ALAD: variants seen among roughly 807,000 people sequenced by gnomAD.
The protein encoded by ALAD is aminolevulinate dehydratase, also known as delta-aminolevulinic acid dehydratase.
In ALAD, 20 loss-of-function variants were observed where a neutral mutation model predicts 44.4. The observed-to-expected ratio is 0.45, with a 90% CI of 0.32 to 0.65. ALAD has a LOEUF of 0.65. Ranked by LOEUF, ALAD falls within the 30% of genes least tolerant of loss-of-function variation. ALAD has a pLI of 0.05. For synonymous variants in ALAD, 156 were observed against 167.9 expected, an observed-to-expected ratio of 0.93 and a Z score of 0.55; for missense variants, 323 against 445.7, an observed-to-expected ratio of 0.72 and a Z score of 2.48.
At chr9:113,393,150 A>G (rs8177795) in intron 2 of ALAD, 199 of 435,036 alleles carry the variant, frequency 4.6e-4, no homozygotes, top group African/African-American at 3.8e-3. Flanking sequence ...GGTACATAGC[A>G]CTTTACAATG....
In ALAD at chr9:113,393,581, G is replaced by A. The variant is rs373584104; in HGVS notation, c.-22C>T. 1.9e-6 allele frequency: 3 copies of A among 1,603,428 alleles called. No individual in the cohort carries two copies. The highest frequency in any genetic ancestry group is 2.2e-5 in the East Asian group (1 of 44,848). ...GCATGGCGTGGGCCAGTGGGCACAGGGGCATCAGTTGGTTGGAACCGAGGG... is the reference window on the plus strand; with the variant it reads ...GCATGGCGTGGGCCAGTGGGCACAGAGGCATCAGTTGGTTGGAACCGAGGG... On this transcript the variant is annotated 5_prime_UTR_variant, in exon 2 of 12. Coordinates refer to ENST00000409155, the MANE Select transcript of ALAD (RefSeq NM_000031.6).
chr9:113,389,341 G>A, intron 10 of ALAD, 97 bp downstream of exon 10: 1 of 1,476,790 alleles, frequency 6.8e-7, no homozygotes, highest in East Asian at 2.3e-5. Context: ...GAGGATGCAT[G>A]CTTAAGGGCA....
intron 1 of ALAD, among the ~76,000 whole-genome samples, chr9:113,398,345 T>C (rs1336866784): frequency 1.3e-5 from 2 of 152,208 alleles, no homozygotes; most frequent in African/African-American, 4.8e-5. Context: ...TCTGACTCAC[T>C]TCCCACAAAC....
At position 113,387,215 on chromosome 9, in the gene ALAD, ACTC is replaced by A. The variant is rs1827419734; in HGVS notation, c.*1082_*1084del. ...GAAGGAGCCCCAGGGCCTTTGCACA[ACTC>A]CTCCCTCTCCCTGGAATGCTCTTCC... On this transcript the variant is annotated 3_prime_UTR_variant, in exon 12 of 12. Coordinates refer to ENST00000409155, the MANE Select transcript of ALAD (RefSeq NM_000031.6). 6.6e-6 allele frequency: 1 copy of A among 151,320 alleles called. No individual in the cohort carries two copies. Among genetic ancestry groups the A allele is most frequent in the Non-Finnish European group, 1.5e-5 (1 of 67,902 alleles). 9.4% of individuals were successfully genotyped at this position (151,320 alleles called of 1,614,324 possible). A position where few individuals can be genotyped will look rare whatever the true frequency, so the allele number is the denominator to read the frequency against.
chr9:113,391,113 C>T (rs1203618872), intron 4 of ALAD, among the ~76,000 whole-genome samples, 180 bp from the exon 5 acceptor site: 1 of 152,218 alleles, frequency 6.6e-6, no homozygotes, highest in African/African-American at 2.4e-5. Context: ...AGACCACGTC[C>T]ATTCACCTGT....
chr9:113,392,702 A>G (rs766954037), intron 2 of ALAD: 2 of 162,416 alleles, frequency 1.2e-5, no homozygotes, highest in African/African-American at 2.4e-5. Flanking sequence ...TCTTCATACA[A>G]ATGCTCTCAG....
At position 113,389,663 on chromosome 9, in the gene ALAD, G is replaced by T; in HGVS notation, c.650C>A (p.Ala217Asp). ...PFRDAAKSSP[A>D]FGDRRCYQLP... ...CTGGTAGCAGCGGCGGTCCCCAAAA[G>T]CTGGGCTTGACTTAGCTGCATCCCT... is the stretch of plus-strand genomic sequence containing the variant. The change falls in exon 9 of 12, where the codon GCT becomes GAT. Residue 217 changes from alanine (A) to aspartate (D), a missense_variant. Physicochemically the swap from Ala to Asp is moderately radical, Grantham distance 126. Coordinates refer to ENST00000409155, the MANE Select transcript of ALAD (RefSeq NM_000031.6). 1.2e-6 allele frequency: 2 copies of T among 1,614,174 alleles called. No homozygotes were observed. Among genetic ancestry groups the T allele is most frequent in the Non-Finnish European group, 1.7e-6 (2 of 1,180,042 alleles).
At position 113,387,992 on chromosome 9, in the gene ALAD, C is replaced by T. The variant is rs1354194138; in HGVS notation, c.*308G>A. The T allele has an allele frequency of 7.0e-6, 3 of 429,790 alleles. No individual in the cohort carries two copies. Among genetic ancestry groups the T allele is most frequent in the South Asian group, 4.2e-5 (2 of 47,924 alleles). The allele number at this position is 429,790 out of a possible 1,614,324, so 26.6% of individuals were successfully genotyped here. On this transcript the variant is annotated 3_prime_UTR_variant, in exon 12 of 12. Coordinates refer to ENST00000409155, the MANE Select transcript of ALAD (RefSeq NM_000031.6). ...TCCCAGCCAGGCCCCAAAGGCTGTG[C>T]CCCCGACTCCAGGTTGCTTTCAAGC...
intron 11 of ALAD, 62 bp downstream of exon 11, chr9:113,388,915 T>G (rs1827482518): frequency 6.2e-7 from 1 of 1,612,872 alleles, no homozygotes; most frequent in African/African-American, 1.3e-5. Context: ...TTCCCCAATC[T>G]AGGCAGAGTG....
At chr9:113,391,131 G>A (rs1261714424) in intron 4 of ALAD, among the ~76,000 whole-genome samples, 198 bp from the exon 5 acceptor site, 2 of 152,200 alleles carry the variant, frequency 1.3e-5, no homozygotes, top group Non-Finnish European at 2.9e-5. Flanking sequence ...TGTGGCCCCA[G>A]GGCCAGCACA....
rs1173631574 is a variant in ALAD, at chr9:113,386,689, T to G, written c.*1611A>C. 1 of 152,248 alleles carries G rather than the reference T, an allele frequency of 6.6e-6. No homozygotes were observed. Among genetic ancestry groups the G allele is most frequent in the East Asian group, 1.9e-4 (1 of 5,202 alleles). 9.4% of individuals were successfully genotyped at this position (152,248 alleles called of 1,614,324 possible). Reference sequence around the variant, plus strand: ...GACTACATGGGTTCAAATCCCAGCTTGGCTGTTTTCTGTGCAGTTCTAATC... The same window carrying G: ...GACTACATGGGTTCAAATCCCAGCTGGGCTGTTTTCTGTGCAGTTCTAATC... On this transcript the variant is annotated 3_prime_UTR_variant, in exon 12 of 12. Coordinates refer to ENST00000409155, the MANE Select transcript of ALAD (RefSeq NM_000031.6).
chr9:113,390,710 C>T (rs1805312), intron 5 of ALAD, 34 bp from the exon 6 acceptor site: 1 of 1,607,312 alleles, frequency 6.2e-7, no homozygotes, highest in South Asian at 1.1e-5. Context: ...TGGGGAGCAC[C>T]TTGGGCCCTG....
At chr9:113,389,849 T>G (rs1588082790) in intron 7 of ALAD, 21 bp from the exon 8 acceptor site, 1 of 1,613,990 alleles carries the variant, frequency 6.2e-7, no homozygotes, top group Non-Finnish European at 8.5e-7. Flanking sequence ...ACAATGGAGG[T>G]CTTGGCTTAT....
In ALAD at chr9:113,387,282, G is replaced by A. The variant is rs1263655127; in HGVS notation, c.*1018C>T. ...CTTGATGGCTCACCCTTCAGGTCTA[G>A]GCTCAAATGTCAGTCCTTCAGGGAA... On this transcript the variant is annotated 3_prime_UTR_variant, in exon 12 of 12. Transcript: ENST00000409155. 2.0e-5 allele frequency: 3 copies of A among 152,230 alleles called. No individual in the cohort carries two copies. The highest frequency in any genetic ancestry group is 2.0e-4 in the Admixed American group (3 of 15,272). The allele number at this position is 152,230 out of a possible 1,614,324, so 9.4% of individuals were successfully genotyped here. A position where few individuals can be genotyped will look rare whatever the true frequency, so the allele number is the denominator to read the frequency against.
intron 2 of ALAD, 58 bp downstream of exon 2, chr9:113,393,389 T>TA: frequency 1.1e-5 from 14 of 1,271,420 alleles, no homozygotes; most frequent in Admixed American, 1.8e-5. Flanking sequence ...CAACACTCCC[T>TA]CCCCAACCCC....
At chr9:113,391,839 C>A (rs2118993111) in intron 3 of ALAD, among the ~76,000 whole-genome samples, 1 of 152,336 alleles carries the variant, frequency 6.6e-6, no homozygotes, top group Admixed American at 6.5e-5. Flanking sequence ...CTGTGGAAGG[C>A]TCCTTCGAGG....
At chr9:113,394,405 G>A (rs1827673969) in intron 1 of ALAD, among the ~76,000 whole-genome samples, 1 of 151,518 alleles carries the variant, frequency 6.6e-6, no homozygotes, top group Non-Finnish European at 1.5e-5. Flanking sequence ...AGGTGTGGTG[G>A]TCCACACCTG....
chr9:113,386,341 A>T lies in ALAD; in HGVS notation c.*1959T>A, dbSNP rs921406117. The T allele has an allele frequency of 1.1e-4, 16 of 152,224 alleles. No homozygotes were observed. Among genetic ancestry groups the T allele is most frequent in the Non-Finnish European group, 2.4e-4 (16 of 68,044 alleles). The allele number at this position is 152,224 out of a possible 1,614,324, so 9.4% of individuals were successfully genotyped here. On this transcript the variant is annotated 3_prime_UTR_variant, in exon 12 of 12. Transcript: ENST00000409155. The stretch of plus-strand genomic sequence containing the variant: ...CTTCAAATATTGAATTTTTATTCAA[A>T]ATTCTTTACAACTTTATTACAATAT...
chr9:113,388,052 A>G lies in ALAD; in HGVS notation c.*248T>C. Reference sequence around the variant, plus strand: ...ACCAGAGGAAAGAGCTGAGGGTGGCAAAGGTGGGCCTCACGGCTGACCCAG... The same window carrying G: ...ACCAGAGGAAAGAGCTGAGGGTGGCGAAGGTGGGCCTCACGGCTGACCCAG... On this transcript the variant is annotated 3_prime_UTR_variant, in exon 12 of 12. Transcript: ENST00000409155. 1 of 546,412 alleles carries G rather than the reference A, an allele frequency of 1.8e-6. No individual in the cohort carries two copies. The highest frequency in any genetic ancestry group is 3.3e-6 in the Non-Finnish European group (1 of 301,450). 33.8% of individuals were successfully genotyped at this position (546,412 alleles called of 1,614,324 possible). A position where few individuals can be genotyped will look rare whatever the true frequency, so the allele number is the denominator to read the frequency against.
Sources: gnomAD v4.1 joint callset for allele counts (sites outside exome capture counted in the v4.1 genomes callset) on GRCh38, gnomAD v4.1.1 for gene constraint, MANE v1.5 for transcripts, NCBI Gene and HGNC (gene_info 2026-07-23, HGNC 2026-07-21) for gene names.